DNER: variants seen among roughly 807,000 people sequenced by gnomAD.
DNER encodes the protein delta and Notch-like epidermal growth factor-related receptor.
A neutral mutation model predicts 78.2 loss-of-function variants in DNER; 33 were observed. The ratio of observed to expected loss-of-function variants is 0.42; its 90% CI spans 0.32 to 0.56. The LOEUF (loss-of-function observed/expected upper bound fraction) is 0.56. Ranked by LOEUF, DNER falls within the 20% of genes least tolerant of loss-of-function variation. The pLI, the probability that DNER is intolerant of heterozygous loss-of-function variation, is 0.11. For synonymous variants in DNER, 417 were observed against 384.8 expected, an observed-to-expected ratio of 1.08 and a Z score of -0.98; for missense variants, 918 against 975.3, an observed-to-expected ratio of 0.94 and a Z score of 0.78.
At chr2:229,653,432 C>A (rs768632189) in intron 1 of DNER, among the ~76,000 whole-genome samples, 10 of 152,140 alleles carry the variant, frequency 6.6e-5, no homozygotes, top group Admixed American at 2.0e-4. Flanking sequence ...TTGCCTTTCA[C>A]CCCCAAGCCA....
At chr2:229,603,860 T>C (rs1697881370) in intron 1 of DNER, among the ~76,000 whole-genome samples, 1 of 152,120 alleles carries the variant, frequency 6.6e-6, no homozygotes, top group Non-Finnish European at 1.5e-5. Flanking sequence ...GACATACTCT[T>C]TGTTCCTTGG....
chr2:229,423,836 A>G (rs1559347844), intron 8 of DNER, among the ~76,000 whole-genome samples: 1 of 152,366 alleles, frequency 6.6e-6, no homozygotes, highest in East Asian at 1.9e-4. Flanking sequence ...TGCTATTTAC[A>G]GTAGCTCTTC....
chr2:229,367,403 C>T (rs1040592725), intron 11 of DNER, among the ~76,000 whole-genome samples: 1 of 151,904 alleles, frequency 6.6e-6, no homozygotes, highest in Non-Finnish European at 1.5e-5. Flanking sequence ...GAGTTTGAGA[C>T]CAGCCTGGCC....
At chr2:229,661,283 A>T (rs1016312229) in intron 1 of DNER, among the ~76,000 whole-genome samples, 8 of 152,122 alleles carry the variant, frequency 5.3e-5, no homozygotes, top group Non-Finnish European at 1.0e-4. Context: ...CTGCTTCCCC[A>T]AATCTCCTGT....
chr2:229,423,441 C>T (rs1693807671), intron 8 of DNER, among the ~76,000 whole-genome samples: 1 of 151,786 alleles, frequency 6.6e-6, no homozygotes, highest in Admixed American at 6.6e-5. Context: ...ATGGTGAAAC[C>T]CCATCTCTAC....
intron 1 of DNER, among the ~76,000 whole-genome samples, chr2:229,694,139 G>A (rs1335359498): frequency 6.6e-6 from 1 of 152,256 alleles, no homozygotes; most frequent in Non-Finnish European, 1.5e-5. Context: ...CCAAGCCTTG[G>A]TGGCTTACAT....
At chr2:229,541,605 G>A (rs1395572158) in intron 5 of DNER, among the ~76,000 whole-genome samples, 1 of 152,096 alleles carries the variant, frequency 6.6e-6, no homozygotes, top group Non-Finnish European at 1.5e-5. Flanking sequence ...AATGGGCTAA[G>A]AAAAGCAGAT....
intron 7 of DNER, among the ~76,000 whole-genome samples, chr2:229,474,587 C>A (rs1453563764): frequency 1.3e-5 from 2 of 152,132 alleles, no homozygotes; most frequent in African/African-American, 2.4e-5. Context: ...AAATTACTAC[C>A]TAAAGGCCAA....
chr2:229,515,982 A>T (rs1695963182), intron 5 of DNER, among the ~76,000 whole-genome samples: 1 of 152,200 alleles, frequency 6.6e-6, no homozygotes, highest in South Asian at 2.1e-4. Flanking sequence ...ATAAAACAGA[A>T]GCCATCCATT....
chr2:229,376,482 G>C (rs1219389580), intron 11 of DNER, among the ~76,000 whole-genome samples: 1 of 152,118 alleles, frequency 6.6e-6, no homozygotes, highest in East Asian at 1.9e-4. Context: ...AACTAAGACA[G>C]GTGCATATAT....
chr2:229,605,392 C>A (rs1697914875), intron 1 of DNER, among the ~76,000 whole-genome samples: 1 of 152,156 alleles, frequency 6.6e-6, no homozygotes. Context: ...TCTAATGAAG[C>A]AGTATGGCAA....
chr2:229,468,012 G>A (rs1209854981), intron 7 of DNER, among the ~76,000 whole-genome samples: 2 of 152,188 alleles, frequency 1.3e-5, no homozygotes, highest in Admixed American at 1.3e-4. Flanking sequence ...AGGGGGATAA[G>A]ACGACAGCAC....
intron 10 of DNER, among the ~76,000 whole-genome samples, chr2:229,406,753 C>T (rs374439770): frequency 2.6e-5 from 4 of 152,112 alleles, no homozygotes; most frequent in African/African-American, 4.8e-5. Flanking sequence ...TGTTCAGTGG[C>T]CACCAAGATT....
At chr2:229,629,256 A>G (rs1052229582) in intron 1 of DNER, among the ~76,000 whole-genome samples, 1 of 152,232 alleles carries the variant, frequency 6.6e-6, no homozygotes, top group Non-Finnish European at 1.5e-5. Context: ...TTAGGTCATC[A>G]TTATTTTTCT....
At chr2:229,512,958 G>A (rs1037992888) in intron 5 of DNER, 22 bp from the exon 6 acceptor site, 2 of 1,610,764 alleles carry the variant, frequency 1.2e-6, no homozygotes. Flanking sequence ...AAAAAGCACA[G>A]TGTCTATTAC....
intron 5 of DNER, among the ~76,000 whole-genome samples, chr2:229,528,454 C>T (rs13426012): frequency 0.038 from 5,823 of 152,254 alleles, 355 homozygotes; most frequent in African/African-American, 0.12. Context: ...GTCCTTCTAC[C>T]CACCACAGCC....
intron 6 of DNER, among the ~76,000 whole-genome samples, chr2:229,489,294 T>A (rs1224104700): frequency 6.6e-6 from 1 of 152,072 alleles, no homozygotes; most frequent in African/African-American, 2.4e-5. Context: ...TGGAGAGTCA[T>A]CATAAATAAA....
chr2:229,562,959 C>T (rs1216266379), intron 4 of DNER, among the ~76,000 whole-genome samples: 2 of 151,498 alleles, frequency 1.3e-5, no homozygotes, highest in Non-Finnish European at 2.9e-5. Context: ...ATCCCACCAC[C>T]ATCATCATCA....
intron 6 of DNER, among the ~76,000 whole-genome samples, chr2:229,497,574 C>A (rs1283346880): frequency 6.7e-6 from 1 of 150,356 alleles, no homozygotes; most frequent in African/African-American, 2.4e-5. Context: ...AAAAAGAAGA[C>A]TTAACTAAAT....
Sources: gnomAD v4.1 joint callset for allele counts (sites outside exome capture counted in the v4.1 genomes callset) on GRCh38, gnomAD v4.1.1 for gene constraint, MANE v1.5 for transcripts, NCBI Gene and HGNC (gene_info 2026-07-23, HGNC 2026-07-21) for gene names.